TNK1: variants seen among roughly 807,000 people sequenced by gnomAD.
The protein encoded by TNK1 is tyrosine kinase non receptor 1.
A neutral mutation model predicts 65.2 loss-of-function variants in TNK1; 53 were observed. That is an observed-to-expected ratio of 0.81 (90% CI 0.65 to 1.02). The LOEUF (loss-of-function observed/expected upper bound fraction) is 1.02. TNK1 is among the 50% of genes least tolerant of loss of function. The probability of loss-of-function intolerance (pLI) is 0.00; values close to 1 mark genes in which losing one functional copy is unlikely to be tolerated. For synonymous variants in TNK1, 353 were observed against 364.6 expected, an observed-to-expected ratio of 0.97 and a Z score of 0.36; for missense variants, 837 against 878.4, an observed-to-expected ratio of 0.95 and a Z score of 0.60.
chr17:7,389,237 GC>G lies in TNK1; in HGVS notation c.*156del. 1 of 633,606 alleles carries G rather than the reference GC, an allele frequency of 1.6e-6. No individual in the cohort carries two copies. Among genetic ancestry groups the G allele is most frequent in the Non-Finnish European group, 2.7e-6 (1 of 366,970 alleles). 39.2% of individuals were successfully genotyped at this position (633,606 alleles called of 1,614,324 possible). On this transcript the variant is annotated 3_prime_UTR_variant, in exon 13 of 13. Transcript: ENST00000688331. ...CCTGCCGTAGGCACATGGAGGAGGA[GC>G]CCAGAGTTGGGCACTGGCAAATGTC...
chr17:7,383,891 G>A, intron 5 of TNK1, 27 bp downstream of exon 5: 1 of 1,594,474 alleles, frequency 6.3e-7, no homozygotes, highest in Non-Finnish European at 8.6e-7. Flanking sequence ...GCTGGTTCCC[G>A]GGACAGCCGT....
rs1329676800 is a variant in TNK1, at chr17:7,386,561, G to T, written c.1138G>T (p.Ala380Ser). The T allele has an allele frequency of 1.3e-6, 2 of 1,598,542 alleles. No homozygotes were observed. The highest frequency in any genetic ancestry group is 1.7e-6 in the Non-Finnish European group (2 of 1,172,534). Residue 380 changes from alanine (A) to serine (S), a missense_variant and splice_region_variant, in exon 8 of 13, where the codon GCC becomes TCC. Transcript: ENST00000688331. ...FSHLEGLLQE[A>S]GPSEACCVRD... ...CCACCCTTTCCTCTTGTCTCCACAG[G>T]CCGGGCCTTCGGAAGCATGTTGTGT...
rs149937992 is a variant in TNK1 at position 7,387,319 on chromosome 17, A to G, written c.1398-59A>G. ...CCTGTGAGTTTTTTTGGGAGGGTAT[A>G]TTGATCTGTGGGGTGGGGAGAGTTG... On this transcript the variant is annotated intron_variant, in intron 9 of 12. Transcript: ENST00000688331. 0.013 allele frequency: 20,759 copies of G among 1,555,356 alleles called. 184 individuals are homozygous for G. Among genetic ancestry groups the G allele is most frequent in the Non-Finnish European group, 0.015 (17,375 of 1,147,606 alleles).
In TNK1 at chr17:7,389,434, C is replaced by T. The variant is rs989875358; in HGVS notation, c.*350C>T. ...CGCTAGAGAGGATCAAGGGGCCACA[C>T]TGGACCATGTGAACAGCCATCCTGA... is the stretch of plus-strand genomic sequence containing the variant. On this transcript the variant is annotated 3_prime_UTR_variant, in exon 13 of 13. Transcript: ENST00000688331. 1.6e-5 allele frequency: 7 copies of T among 442,414 alleles called. No homozygotes were observed. The highest frequency in any genetic ancestry group is 2.4e-5 in the Non-Finnish European group (6 of 251,408). The allele number at this position is 442,414 out of a possible 1,614,324, so 27.4% of individuals were successfully genotyped here. A position where few individuals can be genotyped will look rare whatever the true frequency, so the allele number is the denominator to read the frequency against.
At position 7,383,634 on chromosome 17, in the gene TNK1, C is replaced by A; in HGVS notation, c.426+18C>A. Reference sequence around the variant, plus strand: ...GCAAGAGTGTGAGTGTCCAGGGAGCCCGCTTCATCCAGGCCAGCTGCCCCC... The same window carrying A: ...GCAAGAGTGTGAGTGTCCAGGGAGCACGCTTCATCCAGGCCAGCTGCCCCC... On this transcript the variant is annotated intron_variant, in intron 4 of 12. Transcript: ENST00000688331. The A allele has an allele frequency of 1.3e-6, 2 of 1,594,128 alleles. No homozygotes were observed. Among genetic ancestry groups the A allele is most frequent in the Non-Finnish European group, 1.7e-6 (2 of 1,168,398 alleles).
chr17:7,388,301 T>C lies in TNK1; in HGVS notation c.1478-105T>C, dbSNP rs1905308826. The C allele has an allele frequency of 6.7e-6, 8 of 1,196,082 alleles. No homozygotes were observed. Among genetic ancestry groups the C allele is most frequent in the Non-Finnish European group, 7.0e-6 (6 of 856,396 alleles). The allele number at this position is 1,196,082 out of a possible 1,614,324, so 74.1% of individuals were successfully genotyped here. On this transcript the variant is annotated intron_variant, in intron 10 of 12. Coordinates refer to ENST00000688331, the MANE Select transcript of TNK1 (RefSeq NM_003985.6). This position sits in a 1 kb window ranked among gnomAD's most constrained non-coding sequence, Gnocchi z 4.5. ...TTAGCCAGTCGTAATGGCAGGCACC[T>C]ATAGTCCCAGCTACTCGGGAGGCTG...
Position 7,384,214 on chromosome 17 carries a change from G to A in TNK1, c.827G>A (p.Arg276His), listed in dbSNP as rs779479974. The A allele has an allele frequency of 6.6e-7, 1 of 1,516,948 alleles. No homozygotes were observed. The highest frequency in any genetic ancestry group is 1.2e-5 in the South Asian group (1 of 82,084). 94.0% of individuals were successfully genotyped at this position (1,516,948 alleles called of 1,614,324 possible). A position where few individuals can be genotyped will look rare whatever the true frequency, so the allele number is the denominator to read the frequency against. Residue 276 changes from arginine (R) to histidine (H), a missense_variant, in exon 6 of 13, where the codon CGC (arginine) becomes CAC (histidine). Arg to His is a conservative substitution (Grantham distance 29). Coordinates refer to ENST00000688331, the MANE Select transcript of TNK1 (RefSeq NM_003985.6). ...CGGCCTCTGGGCGGTGCCCGGGGCC[G>A]CTACGTCATGGGCGGGCCCCGCCCT... ...LVRPLGGARG[R>H]YVMGGPRPIP...
chr17:7,384,781 C>G (rs1053013241), intron 7 of TNK1, 27 bp downstream of exon 7: 1 of 1,554,646 alleles, frequency 6.4e-7, no homozygotes. Context: ...TCACCAGATA[C>G]ACAGTCCCTC....
At chr17:7,387,821 C>A (rs1227153897) in intron 10 of TNK1, among the ~76,000 whole-genome samples, 6 of 152,154 alleles carry the variant, frequency 3.9e-5, no homozygotes, top group Admixed American at 3.9e-4. Context: ...CCAGGCTGGC[C>A]TTGAACTCCC....
intron 7 of TNK1, among the ~76,000 whole-genome samples, chr17:7,385,159 G>C (rs1340239968): frequency 6.6e-6 from 1 of 152,152 alleles, no homozygotes; most frequent in Non-Finnish European, 1.5e-5. Flanking sequence ...GAGGTCGGGA[G>C]TTCAAGACCA....
Position 7,382,734 on chromosome 17 carries a change from G to A in TNK1, c.-91-102G>A, listed in dbSNP as rs1033288809. On this transcript the variant is annotated intron_variant, in intron 1 of 12. Coordinates refer to ENST00000688331, the MANE Select transcript of TNK1 (RefSeq NM_003985.6). The surrounding 1 kb of genome is among the most constrained non-coding windows in gnomAD (Gnocchi z 4.1). ...ACAGAGTACCCGGATGCCTGGGCAC[G>A]GGGAACATTCTATCTGGGATTTGTG... 30 of 635,344 alleles carry A rather than the reference G, an allele frequency of 4.7e-5. No homozygotes were observed. Among genetic ancestry groups the A allele is most frequent in the African/African-American group, 7.3e-5 (4 of 54,530 alleles). The allele number at this position is 635,344 out of a possible 1,614,324, so 39.4% of individuals were successfully genotyped here.
intron 9 of TNK1, 84 bp downstream of exon 9, chr17:7,387,238 A>C: frequency 6.6e-7 from 1 of 1,512,498 alleles, no homozygotes. Flanking sequence ...AAGCCTGGGG[A>C]CAGGACCAGA....
rs994968042 is a variant in TNK1 at position 7,384,026 on chromosome 17, G to T, written c.639G>T (p.Pro213=). The T allele has an allele frequency of 6.0e-6, 9 of 1,510,278 alleles. No individual in the cohort carries two copies. In the Admixed American group the frequency reaches 1.1e-4, roughly 18 times the overall value. The allele number at this position is 1,510,278 out of a possible 1,614,324, so 93.6% of individuals were successfully genotyped here. The change falls in exon 6 of 13, where the codon CCG becomes CCT. Residue 213 remains proline, a synonymous_variant. Coordinates refer to ENST00000688331, the MANE Select transcript of TNK1 (RefSeq NM_003985.6). ...ACGCGCGCCTAACGGCCCCGGCCCC[G>T]ACACCCCCGCTGCTCGTGGCCCTGC... ...SLHARLTAPA[P]TPPLLVALLC...
intron 6 of TNK1, 45 bp downstream of exon 6, chr17:7,384,298 C>T (rs1467446619): frequency 1.4e-6 from 2 of 1,436,510 alleles, no homozygotes; most frequent in Non-Finnish European, 1.8e-6. Flanking sequence ...CCGGGCGGAT[C>T]CGGAGGGCAG....
intron 7 of TNK1, 61 bp downstream of exon 7, chr17:7,384,815 G>T: frequency 6.6e-7 from 1 of 1,518,742 alleles, no homozygotes. Context: ...CTCTCCCAGG[G>T]TTCCATGCGA....
At position 7,389,218 on chromosome 17, in the gene TNK1, G is replaced by T. The variant is rs1905427133; in HGVS notation, c.*134G>T. On this transcript the variant is annotated 3_prime_UTR_variant, in exon 13 of 13. Coordinates refer to ENST00000688331, the MANE Select transcript of TNK1 (RefSeq NM_003985.6). Reference sequence around the variant, plus strand: ...TCCACCTGGGGAGATCCCACCTGCCGTAGGCACATGGAGGAGGAGCCCAGA... The same window carrying T: ...TCCACCTGGGGAGATCCCACCTGCCTTAGGCACATGGAGGAGGAGCCCAGA... 7.3e-6 allele frequency: 5 copies of T among 688,402 alleles called. No homozygotes were observed. In the South Asian group the frequency reaches 9.3e-5, roughly 13 times the overall value. The allele number at this position is 688,402 out of a possible 1,614,324, so 42.6% of individuals were successfully genotyped here.
rs375219744 is a variant in TNK1, at chr17:7,388,771, G to A, written c.1777-17G>A. ...CAGGCAGGGGCAGGGGCCTGAGTGAGGCTTTGTCTGTCACAGGTGGAGCTG... is the reference window on the plus strand; with the variant it reads ...CAGGCAGGGGCAGGGGCCTGAGTGAAGCTTTGTCTGTCACAGGTGGAGCTG... On this transcript the variant is annotated splice_polypyrimidine_tract_variant and intron_variant, in intron 11 of 12. Coordinates refer to ENST00000688331, the MANE Select transcript of TNK1 (RefSeq NM_003985.6). The surrounding 1 kb of genome is among the most constrained non-coding windows in gnomAD (Gnocchi z 4.5). The A allele has an allele frequency of 6.2e-7, 1 of 1,604,742 alleles. No individual in the cohort carries two copies. Among genetic ancestry groups the A allele is most frequent in the Non-Finnish European group, 8.5e-7 (1 of 1,175,068 alleles).
chr17:7,383,948 G>A lies in TNK1; in HGVS notation c.583-22G>A, dbSNP rs1349434911. 2.0e-6 allele frequency: 3 copies of A among 1,520,926 alleles called. No homozygotes were observed. The African/African-American group carries it at 4.1e-5, about 21-fold the overall frequency. 94.2% of individuals were successfully genotyped at this position (1,520,926 alleles called of 1,614,324 possible). On this transcript the variant is annotated intron_variant, in intron 5 of 12. Coordinates refer to ENST00000688331, the MANE Select transcript of TNK1 (RefSeq NM_003985.6). The stretch of plus-strand genomic sequence containing the variant: ...AGGGTCCAATGGGTCCGGCTCACGC[G>A]GCGCGGTGTTCCCTCCTGCAGGTGA...
At chr17:7,381,812 C>A (rs1904829854) in intron 1 of TNK1, among the ~76,000 whole-genome samples, 1 of 152,178 alleles carries the variant, frequency 6.6e-6, no homozygotes, top group Non-Finnish European at 1.5e-5. Context: ...TTCATGTGGA[C>A]CTTTGTGTCT....
Sources: allele counts gnomAD v4.1 joint callset (sites outside exome capture counted in the v4.1 genomes callset), GRCh38; gene constraint gnomAD v4.1.1; non-coding constraint Gnocchi (gnomAD v3.1); transcripts MANE v1.5; gene names NCBI Gene and HGNC (gene_info 2026-07-23, HGNC 2026-07-21).